The following UMODL1 variants were observed in gnomAD, a reference collection of about 807,000 sequenced individuals.
The protein encoded by UMODL1 is uromodulin like 1, also known as uromodulin-like 1.
A neutral mutation model predicts 136.3 loss-of-function variants in UMODL1; 128 were observed. That is an observed-to-expected ratio of 0.94 (90% confidence interval 0.81 to 1.09). The LOEUF (loss-of-function observed/expected upper bound fraction) is 1.09, where lower values mean the gene tolerates loss of function less well. Among genes scored for constraint, UMODL1 ranks in the 50% least tolerant of loss-of-function variants. The probability of loss-of-function intolerance (pLI) is 0.00; values close to 1 mark genes in which losing one functional copy is unlikely to be tolerated. For synonymous variants in UMODL1, 721 were observed against 720.0 expected (o/e 1.00, Z -0.02); for missense variants, 1,766 against 1,725.6 (o/e 1.02, Z -0.41).
chr21:42,066,105 G>C lies in UMODL1; in HGVS notation c.-141+2891G>C, dbSNP rs544475436. Among the ~76,000 whole-genome samples the C allele has an allele frequency of 6.6e-5, 10 of 152,314 alleles. No homozygotes were observed. The East Asian group carries it at 1.2e-3, about 18-fold the overall frequency. ...CTTATCCTTGATGCTCACGATCTCA[G>C]AGTTGGAAGAGGCCCTGGCAAGCAC... On this transcript the variant is annotated intron_variant, in intron 1 of 22. Transcript: ENST00000400424.
At chr21:42,104,716 C>T (rs555982407) in intron 9 of UMODL1, among the ~76,000 whole-genome samples, 37 of 152,340 alleles carry the variant, frequency 2.4e-4, no homozygotes, top group East Asian at 5.8e-4. Flanking sequence ...TCCCAAGGTG[C>T]TGGGATTACA....
chr21:42,110,745 C>T (rs747715561), intron 10 of UMODL1, 135 bp from the exon 11 acceptor site: 6 of 854,034 alleles, frequency 7.0e-6, no homozygotes, highest in Admixed American at 2.9e-5. Flanking sequence ...TGAACGCTGG[C>T]GCCCGCCTGC....
chr21:42,119,271 C>A lies in UMODL1; in HGVS notation c.2636C>A (p.Ala879Asp). The A allele has an allele frequency of 1.2e-6, 2 of 1,614,252 alleles. No homozygotes were observed. The highest frequency in any genetic ancestry group is 1.7e-6 in the Non-Finnish European group (2 of 1,180,044). Residue 879 changes from alanine (A) to aspartate (D), a missense_variant, in exon 15 of 23, where the codon GCC becomes GAC. Coordinates refer to ENST00000408910, the MANE Select transcript of UMODL1 (RefSeq NM_001004416.3). ...GAGGTGTCAGCTGCATTTCTCACCG[C>A]CTTCCAGACCGTGCCTCTGCTGGAG... is the stretch of plus-strand genomic sequence containing the variant. ...VQEVSAAFLTAFQTVPLLEVI... is the reference protein window; with the variant it reads ...VQEVSAAFLTDFQTVPLLEVI...
chr21:42,066,561 C>G (rs1420843413), upstream of UMODL1, among the ~76,000 whole-genome samples: 1 of 152,188 alleles, frequency 6.6e-6, no homozygotes, highest in Non-Finnish European at 1.5e-5. Flanking sequence ...GTCTCCTGGC[C>G]TCTCTGGTTT....
At chr21:42,126,624 G>C in intron 18 of UMODL1, 134 bp downstream of exon 18, 1 of 1,393,604 alleles carries the variant, frequency 7.2e-7, no homozygotes, top group South Asian at 1.4e-5. Context: ...TGGCCTGGCT[G>C]CTCCCCAAAT....
At chr21:42,111,313 C>A in intron 11 of UMODL1, 192 bp downstream of exon 11, 1 of 1,417,186 alleles carries the variant, frequency 7.1e-7, no homozygotes, top group Non-Finnish European at 9.5e-7. Flanking sequence ...GCCACGCGAA[C>A]TCCAGCCAGG....
At chr21:42,089,132 C>T (rs576854037) in intron 5 of UMODL1, among the ~76,000 whole-genome samples, 28 of 152,294 alleles carry the variant, frequency 1.8e-4, no homozygotes, top group South Asian at 4.1e-4. Flanking sequence ...CTCAGCCCTG[C>T]TGTTGTAGTA....
chr21:42,124,888 C>T (rs544443892), intron 17 of UMODL1, among the ~76,000 whole-genome samples: 20 of 152,256 alleles, frequency 1.3e-4, no homozygotes, highest in Non-Finnish European at 2.6e-4. Context: ...CCTTAGCGAC[C>T]GCATGGGTCA....
At position 42,088,577 on chromosome 21, in the gene UMODL1, T is replaced by C. The variant is rs756798511; in HGVS notation, c.790+97T>C. On this transcript the variant is annotated intron_variant, in intron 5 of 22. Transcript: ENST00000408910. Reference sequence around the variant, plus strand: ...ACGCTAAAGCCAGACCAGTCCTTTGTCTTTTAAAGGAGGTTTAAGTTCAGG... The same window carrying C: ...ACGCTAAAGCCAGACCAGTCCTTTGCCTTTTAAAGGAGGTTTAAGTTCAGG... The C allele has an allele frequency of 8.8e-5, 112 of 1,273,762 alleles. 1 individual carries two copies. Among genetic ancestry groups the C allele is most frequent in the Non-Finnish European group, 1.1e-4 (106 of 941,832 alleles). The allele number at this position is 1,273,762 out of a possible 1,614,324, so 78.9% of individuals were successfully genotyped here. A position where few individuals can be genotyped will look rare whatever the true frequency, so the allele number is the denominator to read the frequency against.
At chr21:42,087,348 G>A (rs2066437878) in intron 4 of UMODL1, among the ~76,000 whole-genome samples, 1 of 152,130 alleles carries the variant, frequency 6.6e-6, no homozygotes, top group Admixed American at 6.5e-5. Flanking sequence ...GGGGCTTCAA[G>A]TGTGTATCGG....
intron 12 of UMODL1, among the ~76,000 whole-genome samples, chr21:42,112,355 T>G (rs542526828): frequency 6.6e-6 from 1 of 151,810 alleles, no homozygotes; most frequent in East Asian, 1.9e-4. Context: ...GCCCCAGAGA[T>G]TCTGCATTTC....
intron 1 of UMODL1, among the ~76,000 whole-genome samples, chr21:42,063,608 A>G (rs1736666707): frequency 6.6e-6 from 1 of 151,884 alleles, no homozygotes; most frequent in Admixed American, 6.6e-5. Flanking sequence ...GATCGTTAGG[A>G]CAGGAGCAGT....
In UMODL1 at chr21:42,107,908, G is replaced by A. The variant is rs539814557; in HGVS notation, c.1520-1654G>A. On this transcript the variant is annotated intron_variant, in intron 9 of 22. Transcript: ENST00000408910. Reference sequence around the variant, plus strand: ...AGGGCTCAGCCCTTGTCCCAGCTGCGGGGCCAGTGGGAGCAGTGTGCAGCG... The same window carrying A: ...AGGGCTCAGCCCTTGTCCCAGCTGCAGGGCCAGTGGGAGCAGTGTGCAGCG... Among the ~76,000 whole-genome samples the A allele has an allele frequency of 5.9e-5, 9 of 152,324 alleles. No homozygotes were observed. In the East Asian group the frequency reaches 1.2e-3, roughly 20 times the overall value.
rs534409178 is a variant in UMODL1 at position 42,124,123 on chromosome 21, ACAGCGAACG to A, written c.3147+975_3147+983del. On this transcript the variant is annotated intron_variant, in intron 17 of 22. Coordinates refer to ENST00000408910, the MANE Select transcript of UMODL1 (RefSeq NM_001004416.3). ...CTTCTTCCCAGGGTGCCTCTGTGTC[ACAGCGAACG>A]CTCCCATGCAGGCCCTTGTTCGTCT... 1.5e-3 allele frequency among the ~76,000 whole-genome samples: 225 copies of A among 152,168 alleles called. 2 individuals are homozygous for A. The highest frequency in any genetic ancestry group is 5.3e-3 in the African/African-American group (219 of 41,482).
chr21:42,080,252 T>A (rs2066346518), intron 2 of UMODL1, among the ~76,000 whole-genome samples: 1 of 152,212 alleles, frequency 6.6e-6, no homozygotes, highest in Non-Finnish European at 1.5e-5. Context: ...GCACCGTGAC[T>A]CTGATTTGTA....
At position 42,138,079 on chromosome 21, in the gene UMODL1, A is replaced by G. The variant is rs569831216; in HGVS notation, c.*21+438A>G. Among the ~76,000 whole-genome samples, 243 of 152,232 alleles carry G rather than the reference A, an allele frequency of 1.6e-3. 9 individuals carry two copies. The South Asian group carries it at 0.049, about 31-fold the overall frequency. ...TGCTATATGGGTGACCACAGGACCC[A>G]GGGGCCCACCACAAATCCCATCTCT... On this transcript the variant is annotated intron_variant, in intron 22 of 22. Coordinates refer to ENST00000408910, the MANE Select transcript of UMODL1 (RefSeq NM_001004416.3).
chr21:42,083,049 C>A (rs1239226259), intron 2 of UMODL1, among the ~76,000 whole-genome samples: 1 of 152,220 alleles, frequency 6.6e-6, no homozygotes, highest in African/African-American at 2.4e-5. Context: ...ATCTTTGCCT[C>A]CTGCAGAGGC....
chr21:42,111,339 G>A (rs1437965883), intron 11 of UMODL1, 167 bp from the exon 12 acceptor site: 11 of 1,605,210 alleles, frequency 6.9e-6, no homozygotes, highest in South Asian at 1.1e-5. Context: ...CCCAGCCAGG[G>A]GAGCCCCAGC....
chr21:42,127,344 A>G (rs1449285310), intron 19 of UMODL1, 102 bp downstream of exon 19: 5 of 1,112,090 alleles, frequency 4.5e-6, no homozygotes, highest in Non-Finnish European at 6.7e-6. Context: ...AGCAATGCCC[A>G]GGGCTTCATT....
Sources: gnomAD v4.1 joint callset for allele counts (sites outside exome capture counted in the v4.1 genomes callset) on GRCh38, gnomAD v4.1.1 for gene constraint, MANE v1.5 for transcripts, NCBI Gene and HGNC (gene_info 2026-07-23, HGNC 2026-07-21) for gene names.